The following ADGRL3 variants were observed in gnomAD, a reference collection of about 807,000 sequenced individuals.
ADGRL3 encodes the protein calcium-independent alpha-latrotoxin receptor 3.
ADGRL3 carries 62 observed loss-of-function variants against 153.5 expected under a neutral mutation model. The observed-to-expected ratio is 0.40, with a 90% CI of 0.33 to 0.50. ADGRL3 has a LOEUF of 0.50. ADGRL3 is among the 20% of genes least tolerant of loss of function. The pLI is 0.47. For missense variants in ADGRL3, 1,641 were observed against 1,859.4 expected (o/e 0.88, Z 2.16); for synonymous variants, 710 against 672.5 (o/e 1.06, Z -0.86).
Position 61,422,699 on chromosome 4 carries a change from T to A in ADGRL3, c.-174+39510T>A, listed in dbSNP as rs17090457. Reference sequence around the variant, plus strand: ...TAGTAACACCCTGCTTGGGGGAATATCTGTTCTATGAATGAATAGTAATCT... The same window carrying A: ...TAGTAACACCCTGCTTGGGGGAATAACTGTTCTATGAATGAATAGTAATCT... On this transcript the variant is annotated intron_variant, in intron 2 of 26. Transcript: ENST00000683033. Among the ~76,000 whole-genome samples the A allele has an allele frequency of 5.5e-3, 842 of 152,176 alleles. 11 individuals are homozygous for A. Among genetic ancestry groups the A allele is most frequent in the African/African-American group, 0.019 (794 of 41,548 alleles).
intron 11 of ADGRL3, among the ~76,000 whole-genome samples, chr4:61,904,677 G>GA (rs11305765): frequency 1.3e-5 from 2 of 149,200 alleles, no homozygotes; most frequent in African/African-American, 4.9e-5. Context: ...TAACTACACA[G>GA]AAAAAAAAAA....
intron 4 of ADGRL3, among the ~76,000 whole-genome samples, chr4:61,536,692 C>T (rs1029709032): frequency 2.6e-5 from 4 of 151,906 alleles, no homozygotes; most frequent in Non-Finnish European, 5.9e-5. Flanking sequence ...TTAATTGATA[C>T]AAGAATAACC....
chr4:61,972,069 A>G (rs1285682758), intron 17 of ADGRL3, among the ~76,000 whole-genome samples: 1 of 151,886 alleles, frequency 6.6e-6, no homozygotes. Context: ...CCTTTGTCAG[A>G]TGAGTAGGTT....
chr4:61,595,357 G>A (rs1238835406), intron 5 of ADGRL3, among the ~76,000 whole-genome samples: 2 of 152,126 alleles, frequency 1.3e-5, no homozygotes, highest in African/African-American at 4.8e-5. Context: ...CAGGGCCCAA[G>A]CGTTCTTTAG....
chr4:61,690,049 A>G (rs188067122), intron 6 of ADGRL3, among the ~76,000 whole-genome samples: 1 of 152,318 alleles, frequency 6.6e-6, no homozygotes, highest in Admixed American at 6.5e-5. Flanking sequence ...GCCTTCAAAT[A>G]TGCATTCAAA....
rs2097169972 is a variant in ADGRL3, at chr4:61,777,763, T to A, written c.1400-36046T>A. ...CTTACTCTATTTCTAGTATTTATTA[T>A]TTATTTATTTATTTGCTAAGGAAGA... On this transcript the variant is annotated intron_variant, in intron 8 of 26. Coordinates refer to ENST00000683033, the MANE Select transcript of ADGRL3 (RefSeq NM_001387552.1). 3.3e-5 allele frequency among the ~76,000 whole-genome samples: 5 copies of A among 152,190 alleles called. No individual in the cohort carries two copies. In the South Asian group the frequency reaches 1.0e-3, roughly 32 times the overall value.
chr4:62,029,222 G>A (rs973631526), intron 22 of ADGRL3, among the ~76,000 whole-genome samples: 1 of 151,482 alleles, frequency 6.6e-6, no homozygotes, highest in African/African-American at 2.4e-5. Context: ...CCGCTTTTCT[G>A]TTGTTTGTTT....
In ADGRL3 at chr4:61,743,890, G is replaced by A. The variant is rs554899609; in HGVS notation, c.1399+10336G>A. ...ACAGTGGGTGCAGCACACCGTGTGC[G>A]AGCCGAAGCAGGGCGACGCATTGCC... On this transcript the variant is annotated intron_variant, in intron 8 of 26. Transcript: ENST00000683033. Among the ~76,000 whole-genome samples the A allele has an allele frequency of 3.4e-4, 52 of 152,296 alleles. 1 individual carries two copies. Among genetic ancestry groups the A allele is most frequent in the African/African-American group, 1.2e-3 (49 of 41,578 alleles).
chr4:62,077,304 A>G lies in ADGRL3; in HGVS notation c.*6396A>G, dbSNP rs1321558575. The G allele has an allele frequency of 2.0e-5, 3 of 152,032 alleles. No homozygotes were observed. Among genetic ancestry groups the G allele is most frequent in the African/African-American group, 7.2e-5 (3 of 41,452 alleles). The allele number at this position is 152,032 out of a possible 1,614,324, so 9.4% of individuals were successfully genotyped here. ...CTACAGACAAGGTTACAAAAGATTT[A>G]CAATTAGTCCAAAATCAGAGGATTT... On this transcript the variant is annotated 3_prime_UTR_variant, in exon 27 of 27. Transcript: ENST00000683033.
intron 1 of ADGRL3, among the ~76,000 whole-genome samples, chr4:61,258,881 A>G (rs1344374397): frequency 6.6e-6 from 1 of 152,218 alleles, no homozygotes; most frequent in Non-Finnish European, 1.5e-5. Context: ...AATATTGAAC[A>G]TTGCTAATGC....
In ADGRL3 at chr4:61,895,729, A is replaced by T; in HGVS notation, c.1784-2A>T. On this transcript the variant is annotated splice_acceptor_variant, in intron 10 of 26. Transcript: ENST00000683033. LOFTEE classifies it high-confidence loss of function. Reference sequence around the variant, plus strand: ...ACAGATACATTTCTCTCATTATTACAGGTGTATCAACTTATCTATGCCTTG... The same window carrying T: ...ACAGATACATTTCTCTCATTATTACTGGTGTATCAACTTATCTATGCCTTG... The T allele has an allele frequency of 6.6e-7, 1 of 1,518,472 alleles. No homozygotes were observed. The highest frequency in any genetic ancestry group is 9.1e-7 in the Non-Finnish European group (1 of 1,104,644). The allele number at this position is 1,518,472 out of a possible 1,614,324, so 94.1% of individuals were successfully genotyped here.
At chr4:61,701,539 A>T (rs751305066) in intron 6 of ADGRL3, among the ~76,000 whole-genome samples, 1 of 145,512 alleles carries the variant, frequency 6.9e-6, no homozygotes, top group Non-Finnish European at 1.5e-5. Flanking sequence ...GTTTCAAGTG[A>T]TTATCCTGCC....
At chr4:61,580,201 A>G (rs941339096) in intron 4 of ADGRL3, among the ~76,000 whole-genome samples, 1 of 152,116 alleles carries the variant, frequency 6.6e-6, no homozygotes, top group African/African-American at 2.4e-5. Context: ...CTTGACTTAC[A>G]AATAGTTTAA....
At chr4:61,775,387 C>T (rs28735546) in intron 8 of ADGRL3, 46 of 459,964 alleles carry the variant, frequency 1.0e-4, no homozygotes, top group South Asian at 2.8e-4. Context: ...CTAAAATTTT[C>T]TTTTTTTTCT....
intron 1 of ADGRL3, among the ~76,000 whole-genome samples, chr4:61,257,645 TC>T (rs1171910696): frequency 6.6e-6 from 1 of 151,988 alleles, no homozygotes; most frequent in African/African-American, 2.4e-5. Context: ...AAAATTCAAC[TC>T]CCCCCAAAAC....
At position 62,064,825 on chromosome 4, in the gene ADGRL3, A is replaced by G. The variant is rs547626052; in HGVS notation, c.3815-3341A>G. Among the ~76,000 whole-genome samples, 27 of 152,258 alleles carry G rather than the reference A, an allele frequency of 1.8e-4. No homozygotes were observed. The East Asian group carries it at 5.0e-3, about 28-fold the overall frequency. On this transcript the variant is annotated intron_variant, in intron 25 of 26. Coordinates refer to ENST00000683033, the MANE Select transcript of ADGRL3 (RefSeq NM_001387552.1). The stretch of plus-strand genomic sequence containing the variant: ...GAGCTTCCCCAGGAGGCATCTTGCC[A>G]GATGCGGAGGATGATTTTACATTAT...
intron 9 of ADGRL3, among the ~76,000 whole-genome samples, chr4:61,817,149 ACCC>A (rs34121977): frequency 1.2e-4 from 13 of 104,740 alleles, no homozygotes; most frequent in African/African-American, 4.2e-4. Flanking sequence ...AGGTCTGCAG[ACCC>A]CCCCCCCCCC....
At chr4:61,901,849 C>T (rs2098666402) in intron 11 of ADGRL3, among the ~76,000 whole-genome samples, 1 of 152,106 alleles carries the variant, frequency 6.6e-6, no homozygotes, top group African/African-American at 2.4e-5. Flanking sequence ...CCCACCATAT[C>T]AATATAGGCA....
chr4:61,774,013 G>A (rs544495925), intron 8 of ADGRL3, among the ~76,000 whole-genome samples: 2 of 152,134 alleles, frequency 1.3e-5, no homozygotes, highest in African/African-American at 2.4e-5. Flanking sequence ...AGTTACCTGC[G>A]GTCAACCGAG....
Sources: gnomAD v4.1 joint callset for allele counts (sites outside exome capture counted in the v4.1 genomes callset) on GRCh38, gnomAD v4.1.1 for gene constraint, MANE v1.5 for transcripts, NCBI Gene and HGNC (gene_info 2026-07-23, HGNC 2026-07-21) for gene names.